The following PAPLN variants were observed in gnomAD, a reference collection of about 807,000 sequenced individuals.
PAPLN encodes papilin.
A neutral mutation model predicts 159.0 loss-of-function variants in PAPLN; 146 were observed. That is an observed-to-expected ratio of 0.92 (90% CI 0.80 to 1.05). The LOEUF is 1.05. Ranked by LOEUF, PAPLN falls within the 50% of genes least tolerant of loss-of-function variation. The pLI is 0.00. For missense variants in PAPLN, 1,720 were observed against 1,743.9 expected (o/e 0.99, Z 0.24); for synonymous variants, 734 against 702.9 (o/e 1.04, Z -0.70).
Position 73,262,555 on chromosome 14 carries a change from G to A in PAPLN, c.2451G>A (p.Gly817=). The part of the protein sequence containing the change: ...SLHGPRRPQP[G]ASGRSTHTDG... The stretch of plus-strand genomic sequence containing the variant: ...ATGGGCCCCGTCGTCCCCAGCCTGG[G>A]GCTTCTGGAAGGAGCACCCACACGG... The change falls in exon 19 of 27, where the codon GGG becomes GGA. Residue 817 remains glycine (G), a synonymous_variant. Transcript: ENST00000644200. 1 of 1,567,998 alleles carries A rather than the reference G, an allele frequency of 6.4e-7. No individual in the cohort carries two copies. Among genetic ancestry groups the A allele is most frequent in the Non-Finnish European group, 8.7e-7 (1 of 1,155,784 alleles).
rs980862284 is a variant in PAPLN at position 73,245,581 on chromosome 14, C to A, written c.171-55C>A. 4 of 1,532,252 alleles carry A rather than the reference C, an allele frequency of 2.6e-6. No individual in the cohort carries two copies. Among genetic ancestry groups the A allele is most frequent in the Non-Finnish European group, 3.5e-6 (4 of 1,135,812 alleles). 94.9% of individuals were successfully genotyped at this position (1,532,252 alleles called of 1,614,324 possible). On this transcript the variant is annotated intron_variant, in intron 3 of 26. Transcript: ENST00000644200. This position sits in a 1 kb window ranked among gnomAD's most constrained non-coding sequence, Gnocchi z 4.2. Reference sequence around the variant, plus strand: ...TTGGGGCCTGCAGAGAGCCCCAGAACGGGGGCAGGGACGTTGGGTCTCGGT... The same window carrying A: ...TTGGGGCCTGCAGAGAGCCCCAGAAAGGGGGCAGGGACGTTGGGTCTCGGT...
At chr14:73,247,725 G>A (rs113291700) in intron 5 of PAPLN, among the ~76,000 whole-genome samples, 111 of 112,522 alleles carry the variant, frequency 9.9e-4, no homozygotes, top group East Asian at 2.0e-3. Flanking sequence ...GGAGTCTCAT[G>A]TCCTCTGTGC....
intron 6 of PAPLN, among the ~76,000 whole-genome samples, chr14:73,250,422 C>T (rs1885111128): frequency 1.3e-5 from 2 of 152,322 alleles, no homozygotes; most frequent in South Asian, 4.1e-4. Flanking sequence ...AATGAGGTGC[C>T]ACTCGGCTTT....
At chr14:73,240,637 A>G (rs1228585511) in intron 2 of PAPLN, among the ~76,000 whole-genome samples, 19 of 152,142 alleles carry the variant, frequency 1.2e-4, no homozygotes, top group Non-Finnish European at 2.4e-4. Context: ...GCATGCGGCT[A>G]GTGGCTACTG....
chr14:73,257,763 T>C (rs1886092915), intron 14 of PAPLN, among the ~76,000 whole-genome samples: 1 of 118,346 alleles, frequency 8.4e-6, no homozygotes, highest in East Asian at 2.6e-4. Context: ...CTTTTTTTTT[T>C]TTTTTTTTTT....
chr14:73,244,462 C>T (rs1231233661), intron 2 of PAPLN, 182 bp from the exon 3 acceptor site: 2 of 562,314 alleles, frequency 3.6e-6, no homozygotes, highest in Non-Finnish European at 6.3e-6. Context: ...CAGGCTAATT[C>T]TGAAAAGGAA....
chr14:73,258,103 A>AT (rs1886135944), intron 14 of PAPLN, among the ~76,000 whole-genome samples: 1 of 151,836 alleles, frequency 6.6e-6, no homozygotes, highest in African/African-American at 2.4e-5. Flanking sequence ...TATTCATCCA[A>AT]TTTTTTTAAA....
intron 25 of PAPLN, 149 bp downstream of exon 25, chr14:73,266,980 C>T (rs1053288917): frequency 2.7e-6 from 2 of 745,680 alleles, no homozygotes; most frequent in Non-Finnish European, 4.6e-6. Flanking sequence ...GCAGCACCCT[C>T]ATCCCTACAG....
intron 2 of PAPLN, chr14:73,244,438 C>T (rs1270323875): frequency 1.9e-5 from 10 of 532,566 alleles, no homozygotes; most frequent in Admixed American, 3.5e-5. Flanking sequence ...GCTCTCAGCT[C>T]CTTATGAGGA....
chr14:73,248,106 T>TGCGC (rs1555361147), intron 5 of PAPLN, among the ~76,000 whole-genome samples: 9 of 78,508 alleles, frequency 1.1e-4, no homozygotes, highest in South Asian at 5.5e-4. Flanking sequence ...TGTGTGTGTG[T>TGCGC]GCGCGTGTGT....
At chr14:73,259,156 A>G (rs1176261886) in intron 15 of PAPLN, 97 bp downstream of exon 15, 2 of 1,527,498 alleles carry the variant, frequency 1.3e-6, no homozygotes, top group Non-Finnish European at 1.8e-6. Flanking sequence ...GGGTGCAGCC[A>G]TGGTGGAAGG....
At chr14:73,260,267 C>T (rs750215462) in intron 16 of PAPLN, among the ~76,000 whole-genome samples, 12 of 152,258 alleles carry the variant, frequency 7.9e-5, no homozygotes, top group South Asian at 4.1e-4. Flanking sequence ...CGGGCACCCT[C>T]CCTCCTTTCA....
chr14:73,271,305 C>T (rs1887695675), intron 26 of PAPLN, among the ~76,000 whole-genome samples: 1 of 151,956 alleles, frequency 6.6e-6, no homozygotes, highest in Non-Finnish European at 1.5e-5. Context: ...CTGGTTATAC[C>T]AATATACCAA....
chr14:73,266,439 C>G, intron 23 of PAPLN, 62 bp from the exon 24 acceptor site: 1 of 1,587,348 alleles, frequency 6.3e-7, no homozygotes, highest in Non-Finnish European at 8.6e-7. Context: ...GCTCGAGGGA[C>G]GGAGCTGGAG....
At chr14:73,249,926 C>G in intron 5 of PAPLN, 58 bp from the exon 6 acceptor site, 1 of 1,536,682 alleles carries the variant, frequency 6.5e-7, no homozygotes, top group Non-Finnish European at 8.8e-7. Flanking sequence ...AGCCTTGGGT[C>G]TTGGGGAGGG....
chr14:73,268,340 C>A, intron 25 of PAPLN: 1 of 480,566 alleles, frequency 2.1e-6, no homozygotes, highest in Non-Finnish European at 3.6e-6. Context: ...CGCCATTCAC[C>A]CCAGCCTTGG....
At chr14:73,258,003 G>A (rs991277846) in intron 14 of PAPLN, among the ~76,000 whole-genome samples, 6 of 152,094 alleles carry the variant, frequency 3.9e-5, no homozygotes, top group African/African-American at 1.2e-4. Context: ...GACCTCAAGT[G>A]ATCCTCCTGC....
rs139250166 is a variant in PAPLN at position 73,263,218 on chromosome 14, A to C, written c.2723+391A>C. On this transcript the variant is annotated intron_variant, in intron 19 of 26. Transcript: ENST00000644200. ...TTACCTTCTGCCCTGTATACCTCAC[A>C]GGTGTGGGTTCTGGTCAAGATGACT... The C allele has an allele frequency of 4.3e-4, 138 of 323,572 alleles. No homozygotes were observed. The East Asian group carries it at 7.0e-3, about 16-fold the overall frequency. 20.0% of individuals were successfully genotyped at this position (323,572 alleles called of 1,614,324 possible). A position where few individuals can be genotyped will look rare whatever the true frequency, so the allele number is the denominator to read the frequency against.
intron 2 of PAPLN, chr14:73,242,663 TAA>T (rs535493229): frequency 3.9e-4 from 60 of 152,392 alleles, no homozygotes; most frequent in African/African-American, 1.2e-3. Flanking sequence ...AATTTCAGTT[TAA>T]CTTTCATTCA....
Sources: allele counts gnomAD v4.1 joint callset (sites outside exome capture counted in the v4.1 genomes callset), GRCh38; gene constraint gnomAD v4.1.1; non-coding constraint Gnocchi (gnomAD v3.1); transcripts MANE v1.5; gene names NCBI Gene and HGNC (gene_info 2026-07-23, HGNC 2026-07-21).